The following CORO7 variants were observed in gnomAD, a reference collection of about 807,000 sequenced individuals.
CORO7 encodes the protein coronin-7.
In CORO7, 107 loss-of-function variants were observed where a neutral mutation model predicts 126.6. The observed-to-expected ratio is 0.85, with a 90% CI of 0.72 to 0.99. CORO7 has a LOEUF of 0.99. Among genes scored for constraint, CORO7 ranks in the 50% least tolerant of loss-of-function variants. The pLI is 0.00. For synonymous variants in CORO7, 603 were observed against 536.8 expected (o/e 1.12, Z -1.70); for missense variants, 1,314 against 1,255.8 (o/e 1.05, Z -0.70).
At chr16:4,409,086 G>A (rs888291324) in intron 3 of CORO7, among the ~76,000 whole-genome samples, 2 of 152,124 alleles carry the variant, frequency 1.3e-5, no homozygotes, top group African/African-American at 4.8e-5. Context: ...TAGAGACTAG[G>A]CATGGAGGGT....
chr16:4,379,401 CT>C (rs928292915), intron 9 of CORO7, among the ~76,000 whole-genome samples: 7 of 152,060 alleles, frequency 4.6e-5, no homozygotes, highest in Non-Finnish European at 2.9e-5. Context: ...ACCTGCCTGA[CT>C]TGGGCAGTGC....
At chr16:4,395,511 A>T (rs1322175649) in intron 6 of CORO7, among the ~76,000 whole-genome samples, 172 bp from the exon 7 acceptor site, 1 of 152,146 alleles carries the variant, frequency 6.6e-6, no homozygotes, top group East Asian at 1.9e-4. Flanking sequence ...CCTCCTCAGC[A>T]CAGCAGCAAC....
At chr16:4,415,901 G>C (rs2056391556) in intron 1 of CORO7, 1 of 985,726 alleles carries the variant, frequency 1.0e-6, no homozygotes. Context: ...GATAAAGAAA[G>C]AGCTTGCGCC....
chr16:4,376,426 C>A (rs1200847082), intron 9 of CORO7, among the ~76,000 whole-genome samples: 1 of 152,174 alleles, frequency 6.6e-6, no homozygotes, highest in Admixed American at 6.5e-5. Context: ...CAGGGTCAGA[C>A]CTGCAGCGCC....
chr16:4,406,651 A>T (rs113397427), intron 5 of CORO7, among the ~76,000 whole-genome samples: 369 of 150,350 alleles, frequency 2.5e-3, no homozygotes, highest in African/African-American at 8.6e-3. Flanking sequence ...TTTGAGATGG[A>T]GTCTTGCTCT....
chr16:4,403,273 C>T (rs575025391), intron 6 of CORO7, among the ~76,000 whole-genome samples: 2 of 152,322 alleles, frequency 1.3e-5, no homozygotes, highest in African/African-American at 4.8e-5. Flanking sequence ...CCGCCCCCCA[C>T]TCCCGGCTCC....
chr16:4,416,391 C>T (rs2056412975), intron 1 of CORO7, 68 bp downstream of exon 1: 1 of 1,471,248 alleles, frequency 6.8e-7, no homozygotes, highest in African/African-American at 1.5e-5. Context: ...CCTGTGGGGT[C>T]CGGGCAGGGG....
rs768413907 is a variant in CORO7 at position 4,358,454 on chromosome 16, G to A, written c.2370C>T (p.Cys790=). Residue 790 remains cysteine (C), a synonymous_variant, in exon 24 of 28, where the codon TGC becomes TGT. Transcript: ENST00000251166. The stretch of plus-strand genomic sequence containing the variant: ...GCATCAGCTCCACTTCCCGCACGTC[G>A]CACTCCGTCTTAGGCAGGAGGACGA... ...KGLVLLPKTE[C]DVREVELMRC... 33 of 1,609,074 alleles carry A rather than the reference G, an allele frequency of 2.1e-5. No homozygotes were observed. The highest frequency in any genetic ancestry group is 5.0e-5 in the Admixed American group (3 of 59,568).
intron 6 of CORO7, among the ~76,000 whole-genome samples, chr16:4,400,549 C>T (rs1485370907): frequency 2.6e-5 from 4 of 152,154 alleles, no homozygotes; most frequent in African/African-American, 9.7e-5. Context: ...AGGAGAATCA[C>T]TTGAATCTGG....
At position 4,412,701 on chromosome 16, in the gene CORO7, T is replaced by G. The variant is rs369543103; in HGVS notation, c.158-271A>C. 2.1e-5 allele frequency: 10 copies of G among 483,712 alleles called. 1 individual carries two copies. The East Asian group carries it at 2.4e-4, about 12-fold the overall frequency. 30.0% of individuals were successfully genotyped at this position (483,712 alleles called of 1,614,324 possible). A position where few individuals can be genotyped will look rare whatever the true frequency, so the allele number is the denominator to read the frequency against. The stretch of plus-strand genomic sequence containing the variant: ...GGGTCATACGAAAGGGGCGTGGGGC[T>G]TTCGTATGGGGCTTGCAGCTACCGT... On this transcript the variant is annotated intron_variant, in intron 2 of 27. Transcript: ENST00000251166.
chr16:4,408,081 C>T (rs538650180), intron 4 of CORO7, 100 bp downstream of exon 4: 44 of 1,562,784 alleles, frequency 2.8e-5, no homozygotes, highest in African/African-American at 1.6e-4. Context: ...TGGGGCTGGA[C>T]TGGGAGGCAG....
At chr16:4,412,453 C>G (rs1178113600) in intron 2 of CORO7, 23 bp from the exon 3 acceptor site, 1 of 1,613,728 alleles carries the variant, frequency 6.2e-7, no homozygotes, top group Non-Finnish European at 8.5e-7. Flanking sequence ...CACGGGGACT[C>G]TGACTTCAGG....
rs770732865 is a variant in CORO7 at position 4,360,482 on chromosome 16, G to C, written c.1984C>G (p.Arg662Gly). The part of the protein sequence containing the change: ...LATVCKDGRV[R>G]VYRPRSGPEP... Reference sequence around the variant, plus strand: ...GGGCCACTCCGGGGCCTGTAGACCCGCACACGCCCATCCTTGCAGACAGTG... The same window carrying C: ...GGGCCACTCCGGGGCCTGTAGACCCCCACACGCCCATCCTTGCAGACAGTG... Residue 662 changes from arginine (R) to glycine (G), a missense_variant, in exon 20 of 28, where the codon CGG (arginine) becomes GGG (glycine). Arg to Gly is a moderately radical substitution (Grantham distance 125). Transcript: ENST00000251166. The C allele has an allele frequency of 6.2e-7, 1 of 1,611,998 alleles. No homozygotes were observed. The highest frequency in any genetic ancestry group is 8.5e-7 in the Non-Finnish European group (1 of 1,179,586).
At chr16:4,412,100 T>G (rs2056233038) in intron 3 of CORO7, among the ~76,000 whole-genome samples, 3 of 151,916 alleles carry the variant, frequency 2.0e-5, no homozygotes. Flanking sequence ...GCCTGGAGCC[T>G]GGGGCGGCCA....
chr16:4,400,528 G>A (rs2055759634), intron 6 of CORO7, among the ~76,000 whole-genome samples: 1 of 152,200 alleles, frequency 6.6e-6, no homozygotes, highest in African/African-American at 2.4e-5. Context: ...AGCTACTCGG[G>A]ACGGGGAGGC....
chr16:4,361,392 C>T lies in CORO7; in HGVS notation c.1656G>A (p.Trp552Ter). The change falls in exon 17 of 28, where the codon TGG becomes TGA. Residue 552 changes from tryptophan (W) to a stop codon, truncating the protein, a stop_gained. Coordinates refer to ENST00000251166, the MANE Select transcript of CORO7 (RefSeq NM_024535.5). LOFTEE classifies it high-confidence loss of function. ...CGAGGCGATGGGGGTCAAAGGGGTC[C>T]CAGGCCAGATCAGTCACAGCTGCCC... ...QNGAAVTDLA[W>*]DPFDPHRLAV... is the part of the protein sequence containing the mutation. 1.9e-6 allele frequency: 3 copies of T among 1,612,140 alleles called. No individual in the cohort carries two copies. The highest frequency in any genetic ancestry group is 1.7e-6 in the Non-Finnish European group (2 of 1,179,754).
intron 14 of CORO7, 90 bp downstream of exon 14, chr16:4,364,186 A>C: frequency 4.2e-6 from 1 of 240,512 alleles, no homozygotes; most frequent in Non-Finnish European, 6.9e-6. Flanking sequence ...ACACTGTCTC[A>C]AAAAAAAAAA....
chr16:4,356,957 C>T (rs1196529427), intron 26 of CORO7: 5 of 665,374 alleles, frequency 7.5e-6, no homozygotes, highest in Non-Finnish European at 1.3e-5. Context: ...TTGGCCTGGC[C>T]AGGGCAGGGC....
At position 4,412,121 on chromosome 16, in the gene CORO7, C is replaced by T. The variant is rs974176387; in HGVS notation, c.232+235G>A. 4.6e-5 allele frequency among the ~76,000 whole-genome samples: 7 copies of T among 152,192 alleles called. No individual in the cohort carries two copies. The East Asian group carries it at 9.7e-4, about 21-fold the overall frequency. On this transcript the variant is annotated intron_variant, in intron 3 of 27. Coordinates refer to ENST00000251166, the MANE Select transcript of CORO7 (RefSeq NM_024535.5). ...AGCCTGGGGCGGCCACTGCACACCC[C>T]GCTCCATCCAGCTCACAACCGGAGC... is the stretch of plus-strand genomic sequence containing the variant.
Sources: allele counts gnomAD v4.1 joint callset (sites outside exome capture counted in the v4.1 genomes callset), GRCh38; gene constraint gnomAD v4.1.1; transcripts MANE v1.5; gene names NCBI Gene and HGNC (gene_info 2026-07-23, HGNC 2026-07-21).